Variants in UPP2 observed in about 807,000 individuals in gnomAD.
UPP2 encodes the protein UPase 2.
In UPP2, 23 loss-of-function variants were observed where a neutral mutation model predicts 26.7. The observed-to-expected ratio is 0.86, with a 90% CI of 0.62 to 1.22. The LOEUF (loss-of-function observed/expected upper bound fraction) is 1.22, where lower values mean the gene tolerates loss of function less well. Ranked by LOEUF, UPP2 falls within the 50% of genes most tolerant of loss-of-function variation. The pLI is 0.00. For missense variants in UPP2, 387 were observed against 396.7 expected, an observed-to-expected ratio of 0.98 and a Z score of 0.21; for synonymous variants, 127 against 141.3, an observed-to-expected ratio of 0.90 and a Z score of 0.72.
intron 1 of UPP2, among the ~76,000 whole-genome samples, chr2:158,103,080 T>C (rs890900157): frequency 2.6e-5 from 4 of 152,206 alleles, no homozygotes; most frequent in Admixed American, 6.5e-5. Context: ...GTAAAAATTA[T>C]ATATTTTGGA....
At chr2:158,113,913 C>T (rs6709528) in intron 2 of UPP2, among the ~76,000 whole-genome samples, 63,518 of 152,082 alleles carry the variant, frequency 0.42, 14,425 homozygotes, top group Non-Finnish European at 0.51. Flanking sequence ...AAAATTGCTA[C>T]ATGATATAAA....
At chr2:158,075,977 A>G (rs954690246) in intron 3 of UPP2, among the ~76,000 whole-genome samples, 1 of 151,994 alleles carries the variant, frequency 6.6e-6, no homozygotes. Flanking sequence ...ATAAAATCAG[A>G]TATGAAAAAG....
intron 3 of UPP2, among the ~76,000 whole-genome samples, chr2:158,073,861 A>C (rs1014621838): frequency 6.6e-6 from 1 of 152,228 alleles, no homozygotes; most frequent in African/African-American, 2.4e-5. Context: ...CTGAAAAGAA[A>C]GATGCCAACA....
At chr2:158,103,860 T>G (rs1449253384) in intron 1 of UPP2, among the ~76,000 whole-genome samples, 1 of 152,200 alleles carries the variant, frequency 6.6e-6, no homozygotes, top group Non-Finnish European at 1.5e-5. Context: ...GGATAAATTC[T>G]TGCCTCACAA....
At chr2:158,068,773 T>TATAC (rs1397931537) in intron 3 of UPP2, among the ~76,000 whole-genome samples, 13 of 5,648 alleles carry the variant, frequency 2.3e-3, no homozygotes, top group Non-Finnish European at 4.3e-3. Context: ...CAAATATATA[T>TATAC]ATATATATAT....
upstream of UPP2, among the ~76,000 whole-genome samples, chr2:158,098,830 T>C (rs1212057536): frequency 6.6e-6 from 1 of 152,214 alleles, no homozygotes; most frequent in Admixed American, 6.5e-5. Flanking sequence ...GTGCGTATAC[T>C]GAGAAAGACT....
At chr2:158,123,145 T>A (rs1208816440) in intron 5 of UPP2, among the ~76,000 whole-genome samples, 4 of 152,136 alleles carry the variant, frequency 2.6e-5, no homozygotes, top group African/African-American at 9.7e-5. Flanking sequence ...CTTTCCTTGC[T>A]TCTGTCCGCA....
intron 2 of UPP2, among the ~76,000 whole-genome samples, chr2:158,011,603 A>G (rs767897958): frequency 2.0e-5 from 3 of 151,224 alleles, no homozygotes; most frequent in Non-Finnish European, 2.9e-5. Flanking sequence ...AAGGGAACCA[A>G]TCACTGTGGA....
chr2:158,022,800 CTCATTCTT>C (rs1683773403), intron 3 of UPP2, among the ~76,000 whole-genome samples: 1 of 152,202 alleles, frequency 6.6e-6, no homozygotes, highest in Non-Finnish European at 1.5e-5. Context: ...TATTTATCCA[CTCATTCTT>C]TCATTCCTAC....
intron 3 of UPP2, among the ~76,000 whole-genome samples, chr2:158,086,738 C>A (rs1313850891): frequency 1.3e-5 from 2 of 152,080 alleles, no homozygotes; most frequent in African/African-American, 4.8e-5. Flanking sequence ...ATCTTGATTT[C>A]ATTGTTGACC....
chr2:158,001,278 G>C (rs190861963), intron 2 of UPP2, among the ~76,000 whole-genome samples: 1 of 152,168 alleles, frequency 6.6e-6, no homozygotes, highest in Non-Finnish European at 1.5e-5. Flanking sequence ...AAAGGTATTA[G>C]CAGGTTATAG....
At chr2:158,068,461 G>A (rs576689393) in intron 3 of UPP2, among the ~76,000 whole-genome samples, 1 of 152,094 alleles carries the variant, frequency 6.6e-6, no homozygotes, top group Admixed American at 6.6e-5. Context: ...AATACAAACA[G>A]CCCAAATTCA....
chr2:158,051,616 A>C (rs1682160184), intron 3 of UPP2, among the ~76,000 whole-genome samples: 1 of 152,086 alleles, frequency 6.6e-6, no homozygotes, highest in Non-Finnish European at 1.5e-5. Flanking sequence ...CCCCATCTCT[A>C]CTAAAAGTAC....
chr2:158,015,724 C>T (rs1448156767), intron 2 of UPP2: 2 of 443,994 alleles, frequency 4.5e-6, no homozygotes, highest in African/African-American at 4.0e-5. Context: ...TGAGCTCTCA[C>T]AAGATTTGGT....
At chr2:158,071,901 C>CTACTA (rs1682546927) in intron 3 of UPP2, among the ~76,000 whole-genome samples, 2 of 152,254 alleles carry the variant, frequency 1.3e-5, no homozygotes, top group Admixed American at 1.3e-4. Context: ...ACGTTCCCAG[C>CTACTA]TGCAGCGACT....
intron 2 of UPP2, among the ~76,000 whole-genome samples, chr2:158,000,520 C>T (rs947441757): frequency 2.0e-5 from 3 of 152,250 alleles, no homozygotes; most frequent in Non-Finnish European, 2.9e-5. Flanking sequence ...TCCCTTTTCT[C>T]TCTCTCCTGT....
intron 2 of UPP2, among the ~76,000 whole-genome samples, chr2:158,108,980 G>T (rs1411176596): frequency 2.0e-5 from 3 of 150,530 alleles, no homozygotes; most frequent in Non-Finnish European, 4.4e-5. Flanking sequence ...TTCAGAACTG[G>T]CCATTTAATC....
At chr2:158,049,263 A>G (rs1408632309) in intron 3 of UPP2, among the ~76,000 whole-genome samples, 3 of 152,208 alleles carry the variant, frequency 2.0e-5, no homozygotes, top group African/African-American at 7.2e-5. Flanking sequence ...TGCATCTATC[A>G]TGGTGGGCTC....
At chr2:158,072,963 C>G (rs1682567885) in intron 3 of UPP2, among the ~76,000 whole-genome samples, 1 of 152,186 alleles carries the variant, frequency 6.6e-6, no homozygotes, top group African/African-American at 2.4e-5. Flanking sequence ...TCCAGGAAAA[C>G]TTGACTTCAC....
Sources: allele counts gnomAD v4.1 joint callset (sites outside exome capture counted in the v4.1 genomes callset), GRCh38; gene constraint gnomAD v4.1.1; transcripts MANE v1.5; gene names NCBI Gene and HGNC (gene_info 2026-07-23, HGNC 2026-07-21).